Variants in IKBKB observed in about 807,000 individuals in gnomAD.
IKBKB encodes the protein inhibitor of nuclear factor kappa B kinase subunit beta.
IKBKB carries 42 observed loss-of-function variants against 113.6 expected under a neutral mutation model. The ratio of observed to expected loss-of-function variants is 0.37; its 90% confidence interval spans 0.29 to 0.48. IKBKB has a LOEUF of 0.48. Ranked by LOEUF, IKBKB falls within the 20% of genes least tolerant of loss-of-function variation. The pLI, the probability that IKBKB is intolerant of heterozygous loss-of-function variation, is 0.99. For missense variants in IKBKB, 673 were observed against 939.7 expected (o/e 0.72, Z 3.71); for synonymous variants, 296 against 361.3 (o/e 0.82, Z 2.05).
At position 42,316,569 on chromosome 8, in the gene IKBKB, A is replaced by G; in HGVS notation, c.931-141A>G. ...AAGATGCAAATATGCGAAACATGGC[A>G]CATGACCTCCCTCCCTCAAGCTAGG... is the stretch of plus-strand genomic sequence containing the variant. On this transcript the variant is annotated intron_variant, in intron 10 of 21. Coordinates refer to ENST00000520810, the MANE Select transcript of IKBKB (RefSeq NM_001556.3). The surrounding 1 kb of genome is among the most constrained non-coding windows in gnomAD (Gnocchi z 4.5). The G allele has an allele frequency of 1.1e-6, 1 of 907,314 alleles. No homozygotes were observed. The highest frequency in any genetic ancestry group is 1.6e-6 in the Non-Finnish European group (1 of 606,306). The allele number at this position is 907,314 out of a possible 1,614,324, so 56.2% of individuals were successfully genotyped here. A position where few individuals can be genotyped will look rare whatever the true frequency, so the allele number is the denominator to read the frequency against.
At chr8:42,296,846 G>A (rs531194963) in intron 5 of IKBKB, among the ~76,000 whole-genome samples, 68 of 152,262 alleles carry the variant, frequency 4.5e-4, no homozygotes, top group Admixed American at 2.2e-3. Flanking sequence ...AAATGGGAGC[G>A]TTACTCACCT....
chr8:42,323,197 A>G (rs937163312), intron 19 of IKBKB, among the ~76,000 whole-genome samples: 4 of 152,134 alleles, frequency 2.6e-5, no homozygotes, highest in Non-Finnish European at 5.9e-5. Flanking sequence ...TTCTCTAAAG[A>G]CGCTTTCTCC....
chr8:42,284,442 C>T (rs935256227), intron 2 of IKBKB, among the ~76,000 whole-genome samples: 4 of 151,920 alleles, frequency 2.6e-5, no homozygotes, highest in Admixed American at 6.6e-5. Flanking sequence ...ATTAGCCGGG[C>T]GTGGTGATGG....
rs1818643921 is a variant in IKBKB, at chr8:42,316,164, A to G, written c.801-46A>G. 2 of 1,607,304 alleles carry G rather than the reference A, an allele frequency of 1.2e-6. No individual in the cohort carries two copies. The highest frequency in any genetic ancestry group is 1.1e-5 in the South Asian group (1 of 90,572). The stretch of plus-strand genomic sequence containing the variant: ...ACTGGGAGACGCACACTGTAGCCCA[A>G]CATTGGCTGGAAGTGTCTCCTCACA... On this transcript the variant is annotated intron_variant, in intron 9 of 21. Coordinates refer to ENST00000520810, the MANE Select transcript of IKBKB (RefSeq NM_001556.3). This position sits in a 1 kb window ranked among gnomAD's most constrained non-coding sequence, Gnocchi z 4.5.
intron 20 of IKBKB, 115 bp downstream of exon 20, chr8:42,326,212 TGTTTGTTG>T: frequency 7.7e-7 from 1 of 1,298,210 alleles, no homozygotes; most frequent in Non-Finnish European, 1.1e-6. Flanking sequence ...CCTCTCTGGA[TGTTTGTTG>T]CATCTGCTGG....
intron 5 of IKBKB, among the ~76,000 whole-genome samples, chr8:42,298,929 G>T (rs762901404): frequency 6.6e-6 from 1 of 152,078 alleles, no homozygotes; most frequent in Non-Finnish European, 1.5e-5. Context: ...TCGCCTGTCC[G>T]TCCTTCCCTC....
intron 12 of IKBKB, 46 bp downstream of exon 12, chr8:42,317,817 A>C: frequency 7.3e-7 from 1 of 1,369,880 alleles, no homozygotes; most frequent in Non-Finnish European, 1.0e-6. Context: ...CCGTTATAAT[A>C]TGTGGGACAA....
At chr8:42,312,811 C>T (rs895389257) in intron 8 of IKBKB, among the ~76,000 whole-genome samples, 2 of 152,174 alleles carry the variant, frequency 1.3e-5, no homozygotes, top group Non-Finnish European at 2.9e-5. Context: ...CCCGATAGGC[C>T]GGTTCACCAC....
chr8:42,331,273 C>A lies in IKBKB; in HGVS notation c.*294C>A. 1 of 702,126 alleles carries A rather than the reference C, an allele frequency of 1.4e-6. No homozygotes were observed. Among genetic ancestry groups the A allele is most frequent in the Non-Finnish European group, 2.6e-6 (1 of 385,462 alleles). The allele number at this position is 702,126 out of a possible 1,614,324, so 43.5% of individuals were successfully genotyped here. On this transcript the variant is annotated 3_prime_UTR_variant, in exon 22 of 22. Transcript: ENST00000520810. ...ACTGGAGGTCCTCCATTACAGAGGC[C>A]CAGCGCACATCGCTGGCCCCACAAA...
rs1818728787 is a variant in IKBKB at position 42,316,645 on chromosome 8, A to C, written c.931-65A>C. ...GTTGGGAGTAGCAGAGAGAGGACCT[A>C]GGCAAATAGATGGGCATTTCCTTGA... On this transcript the variant is annotated intron_variant, in intron 10 of 21. Coordinates refer to ENST00000520810, the MANE Select transcript of IKBKB (RefSeq NM_001556.3). This position sits in a 1 kb window ranked among gnomAD's most constrained non-coding sequence, Gnocchi z 4.5. 5 of 1,460,018 alleles carry C rather than the reference A, an allele frequency of 3.4e-6. No individual in the cohort carries two copies. In the East Asian group the frequency reaches 1.2e-4, roughly 34 times the overall value. The allele number at this position is 1,460,018 out of a possible 1,614,324, so 90.4% of individuals were successfully genotyped here. A position where few individuals can be genotyped will look rare whatever the true frequency, so the allele number is the denominator to read the frequency against.
At chr8:42,309,540 AG>A in intron 8 of IKBKB, 1 of 368,662 alleles carries the variant, frequency 2.7e-6, no homozygotes, top group Non-Finnish European at 5.4e-6. Context: ...GGATCAGTTG[AG>A]GCCAGCAGTT....
At chr8:42,309,069 G>T (rs1227681403) in intron 8 of IKBKB, 44 bp downstream of exon 8, 1 of 1,590,532 alleles carries the variant, frequency 6.3e-7, no homozygotes, top group African/African-American at 1.3e-5. Context: ...GAGCCTGTCT[G>T]TTCCTTTCTC....
intron 2 of IKBKB, among the ~76,000 whole-genome samples, chr8:42,276,235 C>T (rs543993010): frequency 6.4e-4 from 97 of 152,318 alleles, no homozygotes; most frequent in African/African-American, 2.2e-3. Flanking sequence ...CCGCTTTCTC[C>T]ACATCCTTGC....
At chr8:42,326,682 C>T in intron 20 of IKBKB, among the ~76,000 whole-genome samples, 1 of 152,190 alleles carries the variant, frequency 6.6e-6, no homozygotes, top group East Asian at 1.9e-4. Context: ...ATTATAGATG[C>T]TCAGGTCTGA....
At chr8:42,304,211 C>T (rs2130509088) in intron 5 of IKBKB, among the ~76,000 whole-genome samples, 1 of 152,358 alleles carries the variant, frequency 6.6e-6, no homozygotes, top group Non-Finnish European at 1.5e-5. Flanking sequence ...CTCTAGGCTA[C>T]ATCTCCAAAT....
rs1298311725 is a variant in IKBKB at position 42,306,363 on chromosome 8, C to T, written c.498C>T (p.Asp166=). Residue 166 remains aspartate (D), a synonymous_variant, in exon 7 of 22, where the codon GAC becomes GAT. Transcript: ENST00000520810. The part of the protein sequence containing the change: ...GEQRLIHKII[D]LGYAKELDQG... ...TTTAGTTAATACACAAAATTATTGACCTAGGATATGCCAAGGAGCTGGATC... is the reference window on the plus strand; with the variant it reads ...TTTAGTTAATACACAAAATTATTGATCTAGGATATGCCAAGGAGCTGGATC... 6.2e-7 allele frequency: 1 copy of T among 1,611,292 alleles called. No homozygotes were observed. Among genetic ancestry groups the T allele is most frequent in the East Asian group, 2.2e-5 (1 of 44,866 alleles).
At chr8:42,294,134 G>A (rs1563318815) in intron 5 of IKBKB, among the ~76,000 whole-genome samples, 1 of 152,250 alleles carries the variant, frequency 6.6e-6, no homozygotes, top group Non-Finnish European at 1.5e-5. Context: ...GACAGGGAGA[G>A]GGACTTGCTC....
intron 4 of IKBKB, among the ~76,000 whole-genome samples, chr8:42,291,238 G>A (rs755010324): frequency 1.3e-5 from 2 of 152,132 alleles, no homozygotes; most frequent in Non-Finnish European, 1.5e-5. Flanking sequence ...CTGGAGTGCA[G>A]TGGCGTGATC....
Position 42,289,280 on chromosome 8 carries a change from G to A in IKBKB, c.200+552G>A, listed in dbSNP as rs17875676. Among the ~76,000 whole-genome samples the A allele has an allele frequency of 2.5e-3, 376 of 152,290 alleles. 1 individual carries two copies. Among genetic ancestry groups the A allele is most frequent in the African/African-American group, 8.5e-3 (353 of 41,550 alleles). ...AGGGCGCCAGCCTGGCAGTCTCCAC[G>A]GTGACTCTGCTGCTTCTAAAGACAC... is the stretch of plus-strand genomic sequence containing the variant. On this transcript the variant is annotated intron_variant, in intron 3 of 21. Transcript: ENST00000520810.
Sources: allele counts gnomAD v4.1 joint callset (sites outside exome capture counted in the v4.1 genomes callset), GRCh38; gene constraint gnomAD v4.1.1; non-coding constraint Gnocchi (gnomAD v3.1); transcripts MANE v1.5; gene names NCBI Gene and HGNC (gene_info 2026-07-23, HGNC 2026-07-21).